Variants in SLC17A1 observed in about 807,000 individuals in gnomAD.
The protein encoded by SLC17A1 is sodium-dependent phosphate transport protein 1.
In SLC17A1, 51 loss-of-function variants were observed where a neutral mutation model predicts 53.5. The observed-to-expected ratio is 0.95, with a 90% confidence interval of 0.76 to 1.20. The LOEUF is 1.20. Ranked by LOEUF, SLC17A1 falls within the 50% of genes most tolerant of loss-of-function variation. The pLI, the probability that SLC17A1 is intolerant of heterozygous loss-of-function variation, is 0.00. For missense variants in SLC17A1, 538 were observed against 568.2 expected (o/e 0.95, Z 0.54); for synonymous variants, 179 against 198.8 (o/e 0.90, Z 0.84).
At chr6:25,766,069 T>TA in the SLC17A1 span, among the ~76,000 whole-genome samples, 1 of 151,042 alleles carries the variant, frequency 6.6e-6, no homozygotes, top group Non-Finnish European at 1.5e-5. Context: ...TTATAATTTA[T>TA]AATTATAAAA....
At chr6:25,742,949 A>C in the SLC17A1 span, among the ~76,000 whole-genome samples, 9 of 152,210 alleles carry the variant, frequency 5.9e-5, no homozygotes, top group Non-Finnish European at 1.2e-4. Flanking sequence ...TGAAACAACA[A>C]AGATGTACAA....
the SLC17A1 span, chr6:25,726,185 C>G: frequency 6.3e-7 from 1 of 1,593,916 alleles, no homozygotes; most frequent in Non-Finnish European, 8.6e-7. Flanking sequence ...GGCAGCAGCA[C>G]TGCCTGAATG....
At chr6:25,748,145 C>T in the SLC17A1 span, among the ~76,000 whole-genome samples, 26 of 152,220 alleles carry the variant, frequency 1.7e-4, 2 homozygotes, top group East Asian at 2.3e-3. Context: ...AAAATCAGTA[C>T]TATGTCTATG....
the SLC17A1 span, chr6:25,773,444 A>G: frequency 1.9e-6 from 3 of 1,612,454 alleles, no homozygotes; most frequent in Non-Finnish European, 2.5e-6. Context: ...TAGACGTCTG[A>G]GAGATGAAGA....
At chr6:25,769,498 C>T in the SLC17A1 span, among the ~76,000 whole-genome samples, 1 of 150,930 alleles carries the variant, frequency 6.6e-6, no homozygotes, top group South Asian at 2.1e-4. Flanking sequence ...GCAGAAGTTG[C>T]AGTGAGCGGA....
At chr6:25,735,129 G>A in the SLC17A1 span, among the ~76,000 whole-genome samples, 1 of 152,166 alleles carries the variant, frequency 6.6e-6, no homozygotes, top group Non-Finnish European at 1.5e-5. Context: ...CATGCAGATT[G>A]TATTATATGA....
chr6:25,726,353 G>A, the SLC17A1 span: 6 of 1,614,060 alleles, frequency 3.7e-6, no homozygotes, highest in South Asian at 1.1e-5. Context: ...TCTGCTGTGA[G>A]ATACTCTAAC....
chr6:25,775,365 T>A, the SLC17A1 span, among the ~76,000 whole-genome samples: 1 of 152,048 alleles, frequency 6.6e-6, no homozygotes, highest in Non-Finnish European at 1.5e-5. Flanking sequence ...AAATCTTTCT[T>A]TCATTACTGT....
downstream of SLC17A1, chr6:25,777,930 A>G (rs757445429): frequency 2.5e-5 from 40 of 1,612,512 alleles, no homozygotes; most frequent in Non-Finnish European, 3.1e-5. Flanking sequence ...TCTCAGGTAC[A>G]CTGGCTTTCT....
At chr6:25,778,394 T>C (rs541694457), downstream of SLC17A1, among the ~76,000 whole-genome samples, 1 of 152,166 alleles carries the variant, frequency 6.6e-6, no homozygotes, top group South Asian at 2.1e-4. Flanking sequence ...AAGAGTATTC[T>C]TTATGAAATC....
At chr6:25,799,424 T>C (rs1311238685) in intron 11 of SLC17A1, among the ~76,000 whole-genome samples, 2 of 152,148 alleles carry the variant, frequency 1.3e-5, no homozygotes, top group African/African-American at 2.4e-5. Context: ...TTGAAGAGAA[T>C]GAGTTTTCTT....
At position 25,783,209 on chromosome 6, in the gene SLC17A1, C is replaced by G. The variant is rs1209112040; in HGVS notation, c.*12G>C. Reference sequence around the variant, plus strand: ...GGTTGTCCCAGGCTCTGCAAGTGCTCTGTTTCACACTAAGTTTTGTAAACA... The same window carrying G: ...GGTTGTCCCAGGCTCTGCAAGTGCTGTGTTTCACACTAAGTTTTGTAAACA... On this transcript the variant is annotated 3_prime_UTR_variant, in exon 13 of 13. Coordinates refer to ENST00000244527, the MANE Select transcript of SLC17A1 (RefSeq NM_005074.5). 2 of 152,124 alleles carry G rather than the reference C, an allele frequency of 1.3e-5. No individual in the cohort carries two copies. Among genetic ancestry groups the G allele is most frequent in the Non-Finnish European group, 1.5e-5 (1 of 68,018 alleles). The allele number at this position is 152,124 out of a possible 1,614,324, so 9.4% of individuals were successfully genotyped here.
the SLC17A1 span, among the ~76,000 whole-genome samples, chr6:25,748,707 G>A: frequency 4.1e-4 from 62 of 152,318 alleles, no homozygotes; most frequent in East Asian, 9.9e-3. Flanking sequence ...TGTGGTAGGA[G>A]AGCAGGGTGA....
intron 10 of SLC17A1, among the ~76,000 whole-genome samples, chr6:25,806,862 T>C (rs866856716): frequency 2.0e-5 from 3 of 151,952 alleles, no homozygotes; most frequent in Middle Eastern, 3.4e-3. Flanking sequence ...AAGTGGGCAA[T>C]TGGCATGAAT....
At chr6:25,732,793 T>G in the SLC17A1 span, 3 of 781,438 alleles carry the variant, frequency 3.8e-6, no homozygotes. Context: ...CCCAAAGGAT[T>G]GGGAGCCACT....
At position 25,812,835 on chromosome 6, in the gene SLC17A1, T is replaced by G. The variant is rs1256918607; in HGVS notation, c.893A>C (p.Lys298Thr). ...FINSMLHVNI[K>T]ENGFLSSLPY... ...AAGAACAAATAGTATACTTACCTCTTTTATATTAACATGAAGCATGGAGTT... is the reference window on the plus strand; with the variant it reads ...AAGAACAAATAGTATACTTACCTCTGTTATATTAACATGAAGCATGGAGTT... Residue 298 changes from lysine (K) to threonine (T), a missense_variant, in exon 8 of 13, where the codon AAA becomes ACA. By Grantham distance (78) the Lys-to-Thr change is moderately conservative. Coordinates refer to ENST00000244527, the MANE Select transcript of SLC17A1 (RefSeq NM_005074.5). 1 of 1,603,960 alleles carries G rather than the reference T, an allele frequency of 6.2e-7. No homozygotes were observed. The highest frequency in any genetic ancestry group is 8.5e-7 in the Non-Finnish European group (1 of 1,174,414).
the SLC17A1 span, among the ~76,000 whole-genome samples, chr6:25,736,090 C>G: frequency 3.0e-5 from 4 of 131,718 alleles, no homozygotes; most frequent in South Asian, 5.1e-4. Flanking sequence ...ATAAAAACTT[C>G]TGTGGCTGTT....
the SLC17A1 span, among the ~76,000 whole-genome samples, chr6:25,771,392 G>A: frequency 9.5e-3 from 1,446 of 152,046 alleles, 28 homozygotes; most frequent in African/African-American, 0.031. Flanking sequence ...TGGCCAACAT[G>A]GTTAAACCCC....
At chr6:25,831,495 C>T (rs1179017492) in intron 1 of SLC17A1, among the ~76,000 whole-genome samples, 12 of 152,140 alleles carry the variant, frequency 7.9e-5, no homozygotes, top group African/African-American at 2.7e-4. Flanking sequence ...ACCACCCATA[C>T]GTATGCACCA....
Sources: gnomAD v4.1 joint callset for allele counts (sites outside exome capture counted in the v4.1 genomes callset) on GRCh38, gnomAD v4.1.1 for gene constraint, MANE v1.5 for transcripts, NCBI Gene and HGNC (gene_info 2026-07-23, HGNC 2026-07-21) for gene names.